CNTN5: variants seen among roughly 807,000 people sequenced by gnomAD.
CNTN5 encodes the protein contactin-5.
In CNTN5, 77 loss-of-function variants were observed where a neutral mutation model predicts 129.1. The ratio of observed to expected loss-of-function variants is 0.60; its 90% CI spans 0.50 to 0.72. The LOEUF (loss-of-function observed/expected upper bound fraction) is 0.72. CNTN5 is among the 30% of genes least tolerant of loss of function. The pLI is 0.00. For synonymous variants in CNTN5, 509 were observed against 465.6 expected, an observed-to-expected ratio of 1.09 and a Z score of -1.20; for missense variants, 1,478 against 1,328.8, an observed-to-expected ratio of 1.11 and a Z score of -1.75.
chr11:99,797,340 G>A (rs182152343), intron 3 of CNTN5, among the ~76,000 whole-genome samples: 9 of 152,198 alleles, frequency 5.9e-5, no homozygotes, highest in African/African-American at 1.9e-4. Flanking sequence ...TGTTTTTCAC[G>A]TTGGCTGAGC....
At chr11:99,653,650 C>A (rs1005518976) in intron 3 of CNTN5, among the ~76,000 whole-genome samples, 26 of 152,002 alleles carry the variant, frequency 1.7e-4, no homozygotes, top group Non-Finnish European at 3.7e-4. Context: ...AGTCCCTCTC[C>A]TTTGAAATGT....
intron 7 of CNTN5, among the ~76,000 whole-genome samples, chr11:99,930,796 A>AACACACACACAC (rs59103010): frequency 0.053 from 7,894 of 149,440 alleles, 394 homozygotes; most frequent in African/African-American, 0.13. Flanking sequence ...CATACACACA[A>AACACACACACAC]ACACACACAC....
chr11:99,873,883 A>T (rs1322476239), intron 6 of CNTN5, among the ~76,000 whole-genome samples: 1 of 152,056 alleles, frequency 6.6e-6, no homozygotes, highest in Non-Finnish European at 1.5e-5. Flanking sequence ...TGCAGCCATA[A>T]AAAAAGAATG....
chr11:99,582,195 G>A (rs907276099), intron 3 of CNTN5, among the ~76,000 whole-genome samples: 2 of 152,090 alleles, frequency 1.3e-5, no homozygotes, highest in Non-Finnish European at 1.5e-5. Context: ...CGAGAGATCA[G>A]CTGTTAGTCT....
intron 4 of CNTN5, among the ~76,000 whole-genome samples, chr11:99,836,238 C>T (rs568935094): frequency 1.3e-5 from 2 of 150,878 alleles, no homozygotes; most frequent in Admixed American, 1.3e-4. Flanking sequence ...TGGTGTGCTG[C>T]ACCCATTAAC....
At chr11:99,952,893 C>T (rs1950710339) in intron 7 of CNTN5, among the ~76,000 whole-genome samples, 1 of 152,062 alleles carries the variant, frequency 6.6e-6, no homozygotes, top group Non-Finnish European at 1.5e-5. Flanking sequence ...TCTTTCTGTA[C>T]TTACAGGGAT....
At chr11:99,297,765 A>G (rs1789736164) in intron 1 of CNTN5, among the ~76,000 whole-genome samples, 1 of 152,192 alleles carries the variant, frequency 6.6e-6, no homozygotes, top group Non-Finnish European at 1.5e-5. Flanking sequence ...GCATGCAAGA[A>G]AAATGAAACA....
chr11:99,363,795 G>C (rs1189194315), intron 2 of CNTN5, among the ~76,000 whole-genome samples: 2 of 152,100 alleles, frequency 1.3e-5, no homozygotes, highest in African/African-American at 4.8e-5. Context: ...TTTCATTGCA[G>C]TTATAAGTAA....
chr11:100,325,969 A>C (rs576566743), intron 21 of CNTN5, among the ~76,000 whole-genome samples: 1 of 152,310 alleles, frequency 6.6e-6, no homozygotes, highest in Admixed American at 6.5e-5. Flanking sequence ...TCAGAAGAAA[A>C]ATTTTAAATA....
intron 2 of CNTN5, among the ~76,000 whole-genome samples, chr11:99,552,141 C>T (rs1591266623): frequency 6.6e-6 from 1 of 151,428 alleles, no homozygotes; most frequent in Non-Finnish European, 1.5e-5. Flanking sequence ...CTCCTGACCT[C>T]AAGTGATCTG....
chr11:99,726,405 A>G (rs1943340283), intron 3 of CNTN5, among the ~76,000 whole-genome samples: 1 of 152,182 alleles, frequency 6.6e-6, no homozygotes. Context: ...TAGAGTGTAC[A>G]TTTAGTGTCT....
intron 3 of CNTN5, among the ~76,000 whole-genome samples, chr11:99,755,010 T>C (rs1045557511): frequency 2.0e-5 from 3 of 152,174 alleles, no homozygotes; most frequent in Admixed American, 6.5e-5. Flanking sequence ...GTTGGAATCA[T>C]ACAGTAGGTA....
chr11:99,161,460 AG>A (rs552551754), intron 1 of CNTN5, among the ~76,000 whole-genome samples: 502 of 152,100 alleles, frequency 3.3e-3, no homozygotes, highest in Non-Finnish European at 5.9e-3. Flanking sequence ...GAAGTCACTG[AG>A]GGGTGTTTAT....
chr11:99,746,730 GA>G (rs1419439584), intron 3 of CNTN5, among the ~76,000 whole-genome samples: 1 of 152,158 alleles, frequency 6.6e-6, no homozygotes, highest in African/African-American at 2.4e-5. Flanking sequence ...GCTGTCTGTG[GA>G]AAAATTGTCT....
chr11:99,744,618 A>G (rs1409986897), intron 3 of CNTN5, among the ~76,000 whole-genome samples: 1 of 135,620 alleles, frequency 7.4e-6, no homozygotes, highest in Non-Finnish European at 1.5e-5. Context: ...TACTCAGGGG[A>G]CTGTGATGGG....
intron 9 of CNTN5, among the ~76,000 whole-genome samples, chr11:100,053,445 C>A (rs527529740): frequency 1.3e-5 from 2 of 151,622 alleles, no homozygotes; most frequent in South Asian, 2.1e-4. Context: ...TTTGAGTATG[C>A]GAATGGCTAA....
chr11:99,251,746 A>C (rs1862115873), intron 1 of CNTN5, among the ~76,000 whole-genome samples: 3 of 151,924 alleles, frequency 2.0e-5, no homozygotes. Flanking sequence ...GAATGGTAAC[A>C]TTTTTAAATT....
chr11:99,390,108 C>T (rs1463630496), intron 2 of CNTN5, among the ~76,000 whole-genome samples: 3 of 147,904 alleles, frequency 2.0e-5, no homozygotes, highest in Non-Finnish European at 4.4e-5. Context: ...AATTCTTGTT[C>T]TCAAATAAAA....
intron 13 of CNTN5, among the ~76,000 whole-genome samples, chr11:100,105,363 A>G (rs1193735790): frequency 6.6e-6 from 1 of 152,126 alleles, no homozygotes; most frequent in Non-Finnish European, 1.5e-5. Flanking sequence ...ATCTGTGTGG[A>G]TAGAGGGATC....
Sources: allele counts gnomAD v4.1 joint callset (sites outside exome capture counted in the v4.1 genomes callset), GRCh38; gene constraint gnomAD v4.1.1; transcripts MANE v1.5; gene names NCBI Gene and HGNC (gene_info 2026-07-23, HGNC 2026-07-21).